MED13L: variants seen among roughly 807,000 people sequenced by gnomAD.
MED13L encodes the protein mediator of RNA polymerase II transcription subunit 13-like.
MED13L carries 7 observed loss-of-function variants against 220.9 expected under a neutral mutation model. The observed-to-expected ratio is 0.03, with a 90% CI of 0.02 to 0.06. The LOEUF (loss-of-function observed/expected upper bound fraction) is 0.06, where lower values mean the gene tolerates loss of function less well. MED13L is among the 10% of genes least tolerant of loss of function. The pLI is 1.00. For synonymous variants in MED13L, 1,011 were observed against 1,015.2 expected, an observed-to-expected ratio of 1.00 and a Z score of 0.08; for missense variants, 1,965 against 2,760.5, an observed-to-expected ratio of 0.71 and a Z score of 6.46.
intron 2 of MED13L, among the ~76,000 whole-genome samples, chr12:116,119,482 A>G (rs552879564): frequency 6.6e-6 from 1 of 152,218 alleles, no homozygotes; most frequent in Non-Finnish European, 1.5e-5. Context: ...TCCTTTTCTT[A>G]GTTTGAAGCT....
intron 2 of MED13L, among the ~76,000 whole-genome samples, chr12:116,127,278 TATAACTC>T (rs1349138003): frequency 2.2e-4 from 33 of 152,302 alleles, no homozygotes; most frequent in Admixed American, 1.4e-3. Context: ...TTTTGTTTGT[TATAACTC>T]ATAATTTAAA....
intron 2 of MED13L, among the ~76,000 whole-genome samples, chr12:116,200,699 T>C (rs1881956554): frequency 6.6e-6 from 1 of 152,198 alleles, no homozygotes; most frequent in Non-Finnish European, 1.5e-5. Context: ...TAAGCACACT[T>C]CAAAGACTTC....
At chr12:116,079,546 A>G (rs962674334) in intron 4 of MED13L, among the ~76,000 whole-genome samples, 1 of 151,564 alleles carries the variant, frequency 6.6e-6, no homozygotes, top group Admixed American at 6.6e-5. Flanking sequence ...TTTTATTATT[A>G]TTATTTATGT....
chr12:116,105,073 T>A (rs1353155652), intron 3 of MED13L, among the ~76,000 whole-genome samples: 1 of 152,184 alleles, frequency 6.6e-6, no homozygotes, highest in Non-Finnish European at 1.5e-5. Flanking sequence ...CCTAACAAAG[T>A]AACAGCCATT....
At chr12:116,164,334 T>C (rs1025088256) in intron 2 of MED13L, among the ~76,000 whole-genome samples, 2 of 152,082 alleles carry the variant, frequency 1.3e-5, no homozygotes, top group African/African-American at 4.8e-5. Context: ...ACCCCACCTA[T>C]CAACAATTCA....
intron 2 of MED13L, among the ~76,000 whole-genome samples, chr12:116,180,931 CTTTTTTT>C (rs11320330): frequency 1.7e-5 from 2 of 121,124 alleles, no homozygotes; most frequent in African/African-American, 6.2e-5. Context: ...TTCTCTCTCT[CTTTTTTT>C]TTTTTTTTTT....
chr12:116,222,880 T>TA (rs1405228407), intron 2 of MED13L, among the ~76,000 whole-genome samples: 1 of 152,220 alleles, frequency 6.6e-6, no homozygotes, highest in African/African-American at 2.4e-5. Flanking sequence ...TAAAAACTAT[T>TA]AAAGATTTCA....
chr12:116,124,119 AAGAC>A (rs1875335906), intron 2 of MED13L, among the ~76,000 whole-genome samples: 4 of 100,498 alleles, frequency 4.0e-5, no homozygotes, highest in South Asian at 8.2e-4. Flanking sequence ...GAGAGAGAGA[AAGAC>A]GAGAGAGAGA....
At chr12:116,156,531 G>A (rs1423263122) in intron 2 of MED13L, among the ~76,000 whole-genome samples, 1 of 152,050 alleles carries the variant, frequency 6.6e-6, no homozygotes, top group African/African-American at 2.4e-5. Context: ...GCACATTGCA[G>A]GCCAAGTTTC....
intron 4 of MED13L, among the ~76,000 whole-genome samples, chr12:116,036,093 T>C (rs1258500125): frequency 2.0e-5 from 3 of 152,196 alleles, no homozygotes; most frequent in African/African-American, 7.2e-5. Flanking sequence ...GTCTGTCCCC[T>C]GCCTTCTGTA....
At chr12:115,983,572 G>C in intron 20 of MED13L, 32 bp from the exon 21 acceptor site, 3 of 1,610,856 alleles carry the variant, frequency 1.9e-6, no homozygotes, top group Non-Finnish European at 2.5e-6. Flanking sequence ...GGTGACTTTA[G>C]TGATATTCTG....
At chr12:116,151,215 T>C (rs1025614369) in intron 2 of MED13L, among the ~76,000 whole-genome samples, 10 of 152,148 alleles carry the variant, frequency 6.6e-5, no homozygotes, top group Non-Finnish European at 1.3e-4. Flanking sequence ...TAGTTATGAA[T>C]TTCTGTTATT....
chr12:116,073,501 A>G (rs938359331), intron 4 of MED13L, among the ~76,000 whole-genome samples: 8 of 152,262 alleles, frequency 5.3e-5, no homozygotes, highest in African/African-American at 1.9e-4. Context: ...AAGAACAAGA[A>G]CTAAATGAAT....
At chr12:116,276,308 T>TGTGTGTGTG (rs1873815302) in intron 1 of MED13L, 1 of 222,368 alleles carries the variant, frequency 4.5e-6, no homozygotes, top group Admixed American at 6.0e-5. Context: ...CTTGTTGCTT[T>TGTGTGTGTG]TGTGTGTGTG....
intron 4 of MED13L, among the ~76,000 whole-genome samples, chr12:116,092,632 G>A (rs377225999): frequency 6.6e-6 from 1 of 152,018 alleles, no homozygotes; most frequent in South Asian, 2.1e-4. Flanking sequence ...ACCAAAAAAC[G>A]TATTTACATT....
At position 115,984,277 on chromosome 12, in the gene MED13L, C is replaced by T. The variant is rs1398226750; in HGVS notation, c.4434G>A (p.Glu1478=). The change falls in exon 20 of 31, where the codon GAG becomes GAA. Residue 1478 remains glutamate, a synonymous_variant. Transcript: ENST00000281928. ...GCTGGTTAAACCACTCACTCACAAG[C>T]TCATCTGTCAGCTTCTGTGCCACAG... is the stretch of plus-strand genomic sequence containing the variant. The part of the protein sequence containing the change: ...GKTVAQKLTD[E]LVSEWFNQPW... The T allele has an allele frequency of 8.1e-6, 13 of 1,614,106 alleles. No homozygotes were observed. Among genetic ancestry groups the T allele is most frequent in the Non-Finnish European group, 1.1e-5 (13 of 1,180,004 alleles).
At chr12:116,178,031 CTTGTTTGT>C (rs367971646) in intron 2 of MED13L, among the ~76,000 whole-genome samples, 119 of 151,862 alleles carry the variant, frequency 7.8e-4, no homozygotes, top group Admixed American at 1.6e-3. Context: ...TTTTTGTTTG[CTTGTTTGT>C]TTGTTTGTTT....
At chr12:116,136,594 C>A (rs563190873) in intron 2 of MED13L, among the ~76,000 whole-genome samples, 47 of 152,274 alleles carry the variant, frequency 3.1e-4, no homozygotes, top group African/African-American at 1.1e-3. Context: ...ACAGAACAGG[C>A]AAGCCAAAAT....
chr12:116,155,923 T>C (rs77504713), intron 2 of MED13L, among the ~76,000 whole-genome samples: 3,068 of 152,200 alleles, frequency 0.02, 56 homozygotes, highest in Non-Finnish European at 0.032. Flanking sequence ...ATATTAGAAA[T>C]AGTAAGGTGG....
Sources: gnomAD v4.1 joint callset for allele counts (sites outside exome capture counted in the v4.1 genomes callset) on GRCh38, gnomAD v4.1.1 for gene constraint, MANE v1.5 for transcripts, NCBI Gene and HGNC (gene_info 2026-07-23, HGNC 2026-07-21) for gene names.